Variants in HAPLN1 observed in about 807,000 individuals in gnomAD.
HAPLN1 encodes the protein Cartilage link protein.
A neutral mutation model predicts 36.5 loss-of-function variants in HAPLN1; 13 were observed. That is an observed-to-expected ratio of 0.36 (90% CI 0.23 to 0.57). The LOEUF is 0.57. Among genes scored for constraint, HAPLN1 ranks in the 20% least tolerant of loss-of-function variants. The probability of loss-of-function intolerance (pLI) is 0.83; values close to 1 mark genes in which losing one functional copy is unlikely to be tolerated. For missense variants in HAPLN1, 407 were observed against 439.7 expected (o/e 0.93, Z 0.66); for synonymous variants, 202 against 169.8 (o/e 1.19, Z -1.48).
intron 2 of HAPLN1, among the ~76,000 whole-genome samples, chr5:83,669,898 A>G (rs1350354495): frequency 6.6e-6 from 1 of 152,194 alleles, no homozygotes; most frequent in African/African-American, 2.4e-5. Context: ...GAGATTAAGT[A>G]AATTTTCCAA....
At chr5:83,704,108 A>C (rs1457902753) in intron 1 of HAPLN1, among the ~76,000 whole-genome samples, 1 of 8,792 alleles carries the variant, frequency 1.1e-4, no homozygotes, top group Non-Finnish European at 2.7e-4. Flanking sequence ...CAACAGTCTC[A>C]AAAAAAAAAA....
At position 83,639,486 on chromosome 5, in the gene HAPLN1, T is replaced by C. The variant is rs1014031197; in HGVS notation, c.*2010A>G. The stretch of plus-strand genomic sequence containing the variant: ...TGCTTCAATAGAAATTTGTTCCCAC[T>C]TGTATTTTCAACAAAATTATCGGAA... On this transcript the variant is annotated 3_prime_UTR_variant, in exon 5 of 5. Coordinates refer to ENST00000274341, the MANE Select transcript of HAPLN1 (RefSeq NM_001884.4). 6 of 152,096 alleles carry C rather than the reference T, an allele frequency of 3.9e-5. No homozygotes were observed. Among genetic ancestry groups the C allele is most frequent in the African/African-American group, 1.4e-4 (6 of 41,450 alleles). 9.4% of individuals were successfully genotyped at this position (152,096 alleles called of 1,614,324 possible).
rs1453899429 is a variant in HAPLN1, at chr5:83,697,581, A to G, written c.-27+23208T>C. Among the ~76,000 whole-genome samples, 5 of 152,298 alleles carry G rather than the reference A, an allele frequency of 3.3e-5. No homozygotes were observed. In the South Asian group the frequency reaches 6.2e-4, roughly 19 times the overall value. On this transcript the variant is annotated intron_variant, in intron 1 of 4. Transcript: ENST00000274341. ...CCAAGCGATGGAATATGGTAACTATATGTTGAGCTCTTTGAGAAACTGCCA... is the reference window on the plus strand; with the variant it reads ...CCAAGCGATGGAATATGGTAACTATGTGTTGAGCTCTTTGAGAAACTGCCA...
rs1028024319 is a variant in HAPLN1, at chr5:83,639,549, T to G, written c.*1947A>C. On this transcript the variant is annotated 3_prime_UTR_variant, in exon 5 of 5. Coordinates refer to ENST00000274341, the MANE Select transcript of HAPLN1 (RefSeq NM_001884.4). ...TAGTTCAAGTATGGACTTCTTTCAATGAGCTAGCCCCCATATTTGAGGTGT... is the reference window on the plus strand; with the variant it reads ...TAGTTCAAGTATGGACTTCTTTCAAGGAGCTAGCCCCCATATTTGAGGTGT... 6.6e-6 allele frequency: 1 copy of G among 152,118 alleles called. No individual in the cohort carries two copies. The highest frequency in any genetic ancestry group is 1.5e-5 in the Non-Finnish European group (1 of 67,938). 9.4% of individuals were successfully genotyped at this position (152,118 alleles called of 1,614,324 possible). A position where few individuals can be genotyped will look rare whatever the true frequency, so the allele number is the denominator to read the frequency against.
chr5:83,670,385 A>G (rs376083943), intron 2 of HAPLN1, among the ~76,000 whole-genome samples: 15 of 152,332 alleles, frequency 9.8e-5, no homozygotes, highest in East Asian at 9.7e-4. Context: ...ATTTGAGAAC[A>G]TAACTATTGC....
intron 1 of HAPLN1, among the ~76,000 whole-genome samples, chr5:83,685,463 C>T (rs1751098808): frequency 6.6e-6 from 1 of 151,212 alleles, no homozygotes; most frequent in Non-Finnish European, 1.5e-5. Flanking sequence ...TATTAGACAT[C>T]ACACACACAC....
At chr5:83,695,087 A>G (rs1233725457) in intron 1 of HAPLN1, among the ~76,000 whole-genome samples, 1 of 152,170 alleles carries the variant, frequency 6.6e-6, no homozygotes, top group Non-Finnish European at 1.5e-5. Flanking sequence ...TATCCCAGAA[A>G]TTTAAGGTTT....
intron 2 of HAPLN1, among the ~76,000 whole-genome samples, chr5:83,655,517 GGTGTGTGT>G (rs60890807): frequency 2.7e-4 from 40 of 147,774 alleles, no homozygotes; most frequent in African/African-American, 9.7e-4. Flanking sequence ...TTCACTTTGG[GGTGTGTGT>G]GTGTGTGTGT....
chr5:83,716,574 T>C (rs1475895308), intron 1 of HAPLN1, among the ~76,000 whole-genome samples: 3 of 152,202 alleles, frequency 2.0e-5, no homozygotes, highest in East Asian at 1.9e-4. Context: ...TCTCCTTCCA[T>C]GTCTCTATCA....
At chr5:83,708,021 T>C (rs1307209125) in intron 1 of HAPLN1, among the ~76,000 whole-genome samples, 3 of 152,216 alleles carry the variant, frequency 2.0e-5, no homozygotes, top group African/African-American at 7.2e-5. Context: ...AGACACCATC[T>C]CACACAGTCA....
chr5:83,711,079 C>G (rs1306139893), intron 1 of HAPLN1, among the ~76,000 whole-genome samples: 1 of 152,062 alleles, frequency 6.6e-6, no homozygotes, highest in Non-Finnish European at 1.5e-5. Flanking sequence ...GGGGCAACAT[C>G]CACACTGGGC....
At chr5:83,678,925 A>G (rs1463763245) in intron 1 of HAPLN1, among the ~76,000 whole-genome samples, 1 of 152,174 alleles carries the variant, frequency 6.6e-6, no homozygotes, top group Non-Finnish European at 1.5e-5. Context: ...TAAGAACAAT[A>G]TTTGTTATGG....
chr5:83,660,151 C>T (rs553115840), intron 2 of HAPLN1, among the ~76,000 whole-genome samples: 1 of 152,046 alleles, frequency 6.6e-6, no homozygotes, highest in African/African-American at 2.4e-5. Flanking sequence ...ATGTGATATG[C>T]CAGGAAGCTA....
chr5:83,683,166 G>A (rs994745057), intron 1 of HAPLN1, among the ~76,000 whole-genome samples: 1 of 152,118 alleles, frequency 6.6e-6, no homozygotes, highest in African/African-American at 2.4e-5. Context: ...GGGAAGCTGG[G>A]TATAAAAAGT....
At chr5:83,644,949 CA>C (rs936385817) in intron 3 of HAPLN1, among the ~76,000 whole-genome samples, 4 of 152,190 alleles carry the variant, frequency 2.6e-5, no homozygotes, top group Non-Finnish European at 5.9e-5. Flanking sequence ...GATCTGTCTA[CA>C]GTTTACAGTT....
chr5:83,661,435 CTTTTTTTTT>C (rs56005008), intron 2 of HAPLN1, among the ~76,000 whole-genome samples: 1 of 62,978 alleles, frequency 1.6e-5, no homozygotes, highest in Non-Finnish European at 2.8e-5. Context: ...AGAAAAGCTT[CTTTTTTTTT>C]TTTTTTTTTT....
chr5:83,713,317 T>C (rs1054307472), intron 1 of HAPLN1, among the ~76,000 whole-genome samples: 8 of 152,188 alleles, frequency 5.3e-5, no homozygotes, highest in African/African-American at 1.9e-4. Context: ...GCACCTTCTA[T>C]ATGCAGAGGA....
chr5:83,670,891 C>T lies in HAPLN1; in HGVS notation c.100+2533G>A, dbSNP rs534039641. 1.4e-4 allele frequency among the ~76,000 whole-genome samples: 22 copies of T among 152,226 alleles called. No individual in the cohort carries two copies. The South Asian group carries it at 3.9e-3, about 27-fold the overall frequency. ...TGTATTTTTAGTAGAGACGGGGTTT[C>T]ACCATGTTGGTCAGGCTGGTCTCAA... On this transcript the variant is annotated intron_variant, in intron 2 of 4. Transcript: ENST00000274341.
At chr5:83,649,651 G>A (rs1749995570) in intron 3 of HAPLN1, among the ~76,000 whole-genome samples, 2 of 152,092 alleles carry the variant, frequency 1.3e-5, no homozygotes, top group Admixed American at 1.3e-4. Flanking sequence ...GTTTCACCAT[G>A]TTGACCAGGC....
Sources: allele counts gnomAD v4.1 joint callset (sites outside exome capture counted in the v4.1 genomes callset), GRCh38; gene constraint gnomAD v4.1.1; transcripts MANE v1.5; gene names NCBI Gene and HGNC (gene_info 2026-07-23, HGNC 2026-07-21).